The following KLHL13 variants were observed in gnomAD, a reference collection of about 807,000 sequenced individuals.
The protein encoded by KLHL13 is kelch-like protein 13.
A neutral mutation model predicts 37.1 loss-of-function variants in KLHL13; 10 were observed. The observed-to-expected ratio is 0.27, with a 90% CI of 0.17 to 0.46. KLHL13 has a LOEUF of 0.46. Ranked by LOEUF, KLHL13 falls within the 20% of genes least tolerant of loss-of-function variation. KLHL13 has a pLI of 1.00. For synonymous variants in KLHL13, 163 were observed against 181.2 expected, an observed-to-expected ratio of 0.90 and a Z score of 0.81; for missense variants, 360 against 509.3, an observed-to-expected ratio of 0.71 and a Z score of 2.82.
chrX:118,020,258 G>A (rs1328713529), intron 1 of KLHL13, among the ~76,000 whole-genome samples: 2 of 110,715 alleles, frequency 1.8e-5, no homozygotes, highest in African/African-American at 3.3e-5. Context: ...TGAAGCAATT[G>A]TGAATTGGAG....
At chrX:117,981,011 A>T (rs1384011297) in intron 1 of KLHL13, among the ~76,000 whole-genome samples, 1 of 111,952 alleles carries the variant, frequency 8.9e-6, no homozygotes, top group East Asian at 2.8e-4. Context: ...TTCGTTTTCC[A>T]ATTTAGAATT....
intron 1 of KLHL13, among the ~76,000 whole-genome samples, chrX:118,007,392 A>AAAAGAG (rs1555984408): frequency 9.6e-6 from 1 of 103,971 alleles, no homozygotes; most frequent in African/African-American, 3.8e-5. Flanking sequence ...AAAAAAAAAA[A>AAAAGAG]AGAGAGAGAG....
intron 1 of KLHL13, among the ~76,000 whole-genome samples, chrX:117,991,137 T>TAAAAAAAAAAAAAAAAAAA (rs750755409): frequency 3.6e-5 from 3 of 83,883 alleles, no homozygotes; most frequent in African/African-American, 2.3e-4. Flanking sequence ...CATTAAAAAG[T>TAAAAAAAAAAAAAAAAAAA]AAAAAAAAAA....
At chrX:117,972,202 T>C (rs1369367191) in intron 1 of KLHL13, among the ~76,000 whole-genome samples, 11 of 112,260 alleles carry the variant, frequency 9.8e-5, no homozygotes, top group Admixed American at 3.8e-4. Context: ...ACTTGAATGA[T>C]AAAACTGAGA....
chrX:118,020,137 C>T (rs369335644), intron 1 of KLHL13, among the ~76,000 whole-genome samples: 6 of 108,992 alleles, frequency 5.5e-5, no homozygotes, highest in African/African-American at 2.0e-4. Flanking sequence ...ATGGAATGTT[C>T]TTCCATTTGT....
chrX:117,925,940 G>A (rs139950640), intron 2 of KLHL13, among the ~76,000 whole-genome samples: 1,392 of 111,080 alleles, frequency 0.013, 21 homozygotes, highest in African/African-American at 0.042. Context: ...ACCTGTCTCA[G>A]CCTCCCAAAA....
chrX:118,115,411 G>C (rs947940503), intron 1 of KLHL13, among the ~76,000 whole-genome samples: 2 of 112,448 alleles, frequency 1.8e-5, no homozygotes, highest in African/African-American at 6.5e-5. Context: ...AGTCTTTTTT[G>C]TAACTACGTG....
intron 1 of KLHL13, chrX:117,985,336 A>G: frequency 8.9e-7 from 1 of 1,125,310 alleles, no homozygotes; most frequent in Non-Finnish European, 1.2e-6. Flanking sequence ...TTTAAAGTTA[A>G]GAGCTGTGAT....
intron 1 of KLHL13, among the ~76,000 whole-genome samples, chrX:118,111,358 G>A (rs1450080414): frequency 8.8e-6 from 1 of 113,047 alleles, no homozygotes; most frequent in Non-Finnish European, 1.9e-5. Context: ...AATACCCTAT[G>A]TCAGTTTAAG....
At chrX:117,898,816 C>T (rs964548797) in exon 7 of KLHL13, 26 of 946,384 alleles carry the variant, frequency 2.7e-5, no homozygotes, top group Non-Finnish European at 3.5e-5. Flanking sequence ...AGAGGGTAAT[C>T]CTAACATATA....
At chrX:117,903,085 C>G (rs1930206989) in intron 5 of KLHL13, among the ~76,000 whole-genome samples, 1 of 105,958 alleles carries the variant, frequency 9.4e-6, no homozygotes, top group African/African-American at 3.5e-5. Flanking sequence ...GATGAATCAA[C>G]CTTTGAATGA....
chrX:118,088,128 CA>C (rs1443639888), intron 1 of KLHL13, among the ~76,000 whole-genome samples: 1 of 111,896 alleles, frequency 8.9e-6, no homozygotes, highest in Non-Finnish European at 1.9e-5. Flanking sequence ...AGTAATACAA[CA>C]GACAGGGCAA....
chrX:118,000,608 G>GCA (rs1341536809), intron 1 of KLHL13, among the ~76,000 whole-genome samples: 2,298 of 111,654 alleles, frequency 0.021, 66 homozygotes, highest in African/African-American at 0.071. Context: ...ACAAAGTAAG[G>GCA]ACATTTTAAA....
At position 117,992,145 on chromosome X, in the gene KLHL13, C is replaced by T. The variant is rs779552807; in HGVS notation, c.-55-46570G>A. On this transcript the variant is annotated intron_variant, in intron 1 of 6. Coordinates refer to the KLHL13 transcript ENST00000371882. ...GAGAGAGAGCCTTTTAGAGCCCTAG[C>T]AACTTTGGATGGGGTTCTGTTTCAA... Among the ~76,000 whole-genome samples the T allele has an allele frequency of 9.4e-5, 10 of 106,931 alleles. No individual in the cohort carries two copies. The South Asian group carries it at 4.2e-3, about 45-fold the overall frequency. The allele number at this position is 106,931 out of a possible 115,157, so 92.9% of individuals were successfully genotyped here.
intron 1 of KLHL13, among the ~76,000 whole-genome samples, chrX:117,998,268 C>A (rs2053878589): frequency 8.9e-6 from 1 of 112,037 alleles, no homozygotes; most frequent in Admixed American, 9.5e-5. Flanking sequence ...ACAACGATAT[C>A]ATCTCTGAAG....
At chrX:117,936,534 T>C (rs1318572143) in intron 2 of KLHL13, among the ~76,000 whole-genome samples, 1 of 111,855 alleles carries the variant, frequency 8.9e-6, no homozygotes, top group African/African-American at 3.2e-5. Context: ...ATTAACTATT[T>C]TCTGTTTTCT....
intron 4 of KLHL13, among the ~76,000 whole-genome samples, chrX:117,913,039 A>C (rs1378181935): frequency 8.9e-6 from 1 of 112,350 alleles, no homozygotes; most frequent in Non-Finnish European, 1.9e-5. Context: ...AGTATATGTA[A>C]TCAAAGCTTA....
At chrX:118,001,568 A>G (rs1432918674) in intron 1 of KLHL13, among the ~76,000 whole-genome samples, 1 of 111,876 alleles carries the variant, frequency 8.9e-6, no homozygotes, top group Non-Finnish European at 1.9e-5. Flanking sequence ...GATGGAAGAA[A>G]AAGCCACCAG....
At chrX:118,029,371 G>A (rs1035683685) in intron 1 of KLHL13, among the ~76,000 whole-genome samples, 1 of 111,808 alleles carries the variant, frequency 8.9e-6, no homozygotes, top group African/African-American at 3.2e-5. Context: ...TTTGAAATTC[G>A]AAAGACATAA....
Sources: gnomAD v4.1 joint callset for allele counts (sites outside exome capture counted in the v4.1 genomes callset) on GRCh38, gnomAD v4.1.1 for gene constraint, MANE v1.5 for transcripts, NCBI Gene and HGNC (gene_info 2026-07-23, HGNC 2026-07-21) for gene names.